Variants in CFAP221 observed in about 807,000 individuals in gnomAD.
CFAP221 encodes cilia and flagella associated protein 221, also known as cilia- and flagella-associated protein 221.
CFAP221 carries 97 observed loss-of-function variants against 113.1 expected under a neutral mutation model. That is an observed-to-expected ratio of 0.86 (90% CI 0.73 to 1.02). The LOEUF is 1.02. Ranked by LOEUF, CFAP221 falls within the 50% of genes least tolerant of loss-of-function variation. CFAP221 has a pLI of 0.00. For missense variants in CFAP221, 1,025 were observed against 1,013.4 expected (o/e 1.01, Z -0.16); for synonymous variants, 331 against 354.4 (o/e 0.93, Z 0.74).
At chr2:119,653,265 C>T (rs1035760278) in intron 23 of CFAP221, among the ~76,000 whole-genome samples, 1 of 151,904 alleles carries the variant, frequency 6.6e-6, no homozygotes, top group African/African-American at 2.4e-5. Flanking sequence ...CCTATAATCC[C>T]AGGTGTTTGG....
chr2:119,547,146 G>T (rs551243982), intron 2 of CFAP221, among the ~76,000 whole-genome samples: 1 of 152,160 alleles, frequency 6.6e-6, no homozygotes, highest in Non-Finnish European at 1.5e-5. Flanking sequence ...TGCTTCTTTT[G>T]TCACTGTAGA....
At chr2:119,582,857 A>T (rs1030302336) in intron 6 of CFAP221, among the ~76,000 whole-genome samples, 2 of 151,702 alleles carry the variant, frequency 1.3e-5, no homozygotes, top group African/African-American at 4.9e-5. Flanking sequence ...AGAAATATAA[A>T]AGCAATCAGT....
chr2:119,650,128 A>G (rs1558673269), intron 22 of CFAP221, among the ~76,000 whole-genome samples: 1 of 152,232 alleles, frequency 6.6e-6, no homozygotes, highest in Non-Finnish European at 1.5e-5. Context: ...TATATACTCA[A>G]AAATAAGTAT....
At chr2:119,592,465 G>A (rs913963959) in intron 7 of CFAP221, among the ~76,000 whole-genome samples, 12 of 152,128 alleles carry the variant, frequency 7.9e-5, no homozygotes, top group African/African-American at 2.4e-4. Flanking sequence ...TAGAACTCCC[G>A]GCTTTGTCGT....
At chr2:119,564,911 A>C (rs113976163) in intron 6 of CFAP221, among the ~76,000 whole-genome samples, 23 of 152,278 alleles carry the variant, frequency 1.5e-4, no homozygotes, top group African/African-American at 5.5e-4. Context: ...ATATACCTAA[A>C]TGGGGAATTG....
intron 22 of CFAP221, 76 bp from the exon 23 acceptor site, chr2:119,651,898 T>C: frequency 1.7e-6 from 2 of 1,170,398 alleles, no homozygotes; most frequent in Non-Finnish European, 2.4e-6. Flanking sequence ...AACTCCTAAA[T>C]GATCACAATA....
rs755888501 is a variant in CFAP221, at chr2:119,604,758, G to C, written c.878G>C (p.Arg293Pro). ...GCAATGATGCATATAAATTTTCACC[G>C]ACCGCCAGCGAAGCCGAAGCCTCAG... is the stretch of plus-strand genomic sequence containing the variant. ...EKAMMHINFH[R>P]PPAKPKPQKV... is the part of the protein sequence containing the mutation. The change falls in exon 9 of 24, where the codon CGA becomes CCA. Residue 293 changes from arginine (R) to proline (P), a missense_variant. Arg to Pro is a moderately radical substitution (Grantham distance 103). Transcript: ENST00000413369. The C allele has an allele frequency of 6.5e-7, 1 of 1,542,460 alleles. No individual in the cohort carries two copies. Among genetic ancestry groups the C allele is most frequent in the Non-Finnish European group, 8.7e-7 (1 of 1,148,658 alleles).
At chr2:119,641,746 C>T (rs934107812) in intron 21 of CFAP221, among the ~76,000 whole-genome samples, 4 of 152,222 alleles carry the variant, frequency 2.6e-5, no homozygotes, top group African/African-American at 7.2e-5. Flanking sequence ...GTCACTCCAT[C>T]GCCACCAGAT....
intron 7 of CFAP221, among the ~76,000 whole-genome samples, chr2:119,595,325 A>G (rs545343622): frequency 6.6e-6 from 1 of 152,288 alleles, no homozygotes; most frequent in Admixed American, 6.5e-5. Context: ...GGTTCTCGGC[A>G]TGCTCCCATG....
chr2:119,627,004 G>A (rs1277233501), intron 15 of CFAP221, among the ~76,000 whole-genome samples: 4 of 150,928 alleles, frequency 2.7e-5, no homozygotes, highest in Non-Finnish European at 4.4e-5. Context: ...GCCCACTCTC[G>A]GTAGCTTCTG....
intron 3 of CFAP221, among the ~76,000 whole-genome samples, chr2:119,554,829 T>C (rs1459671830): frequency 6.6e-6 from 1 of 152,210 alleles, no homozygotes; most frequent in East Asian, 1.9e-4. Flanking sequence ...TTAAAGAACT[T>C]ATAAGGCTGC....
At chr2:119,656,179 T>C in intron 23 of CFAP221, 183 bp from the exon 24 acceptor site, 1 of 559,822 alleles carries the variant, frequency 1.8e-6, no homozygotes, top group Non-Finnish European at 3.2e-6. Context: ...GAAGCCAGGT[T>C]TGAATCATTC....
rs186251047 is a variant in CFAP221 at position 119,558,852 on chromosome 2, A to G, written c.241-837A>G. Among the ~76,000 whole-genome samples, 827 of 152,212 alleles carry G rather than the reference A, an allele frequency of 5.4e-3. 4 individuals carry two copies. Among genetic ancestry groups the G allele is most frequent in the Middle Eastern group, 0.01 (3 of 294 alleles). Reference sequence around the variant, plus strand: ...TAAAAAACAAAAAACCAACAACAACAACAAAAAAACACAGGCAAACACAGT... The same window carrying G: ...TAAAAAACAAAAAACCAACAACAACGACAAAAAAACACAGGCAAACACAGT... On this transcript the variant is annotated intron_variant, in intron 3 of 23. Coordinates refer to ENST00000413369, the MANE Select transcript of CFAP221 (RefSeq NM_001271049.2).
At chr2:119,609,446 G>T (rs1684996887) in intron 12 of CFAP221, among the ~76,000 whole-genome samples, 1 of 152,172 alleles carries the variant, frequency 6.6e-6, no homozygotes, top group East Asian at 1.9e-4. Context: ...CAGCATGGTT[G>T]ATTCCTTCTG....
intron 11 of CFAP221, among the ~76,000 whole-genome samples, chr2:119,607,892 G>C (rs1421384856): frequency 6.6e-6 from 1 of 152,110 alleles, no homozygotes; most frequent in Non-Finnish European, 1.5e-5. Context: ...GCAACATTTT[G>C]CTTGTTCATT....
chr2:119,627,549 ACC>A, intron 15 of CFAP221, 102 bp from the exon 16 acceptor site: 3 of 979,990 alleles, frequency 3.1e-6, no homozygotes, highest in East Asian at 2.6e-5. Flanking sequence ...ATATATACAC[ACC>A]CACCCACTAA....
rs189634837 is a variant in CFAP221 at position 119,577,924 on chromosome 2, G to A, written c.528-9195G>A. 6.0e-4 allele frequency among the ~76,000 whole-genome samples: 91 copies of A among 152,298 alleles called. 1 individual carries two copies. Among genetic ancestry groups the A allele is most frequent in the Admixed American group, 5.8e-3 (89 of 15,312 alleles). ...AACAACAGTAATTTATTTTGCTCAT[G>A]GATCTACAACTTGGGCATGGCCTGA... On this transcript the variant is annotated intron_variant, in intron 6 of 23. Coordinates refer to ENST00000413369, the MANE Select transcript of CFAP221 (RefSeq NM_001271049.2).
intron 14 of CFAP221, among the ~76,000 whole-genome samples, chr2:119,616,216 TGG>T (rs1685517060): frequency 6.6e-6 from 1 of 152,274 alleles, no homozygotes; most frequent in East Asian, 1.9e-4. Context: ...ACATGGCTTT[TGG>T]TAACTGCTTC....
At chr2:119,574,429 A>G (rs1682289730) in intron 6 of CFAP221, among the ~76,000 whole-genome samples, 1 of 152,254 alleles carries the variant, frequency 6.6e-6, no homozygotes, top group Non-Finnish European at 1.5e-5. Context: ...AAAAGTGTTC[A>G]TGGATGAATT....
Sources: gnomAD v4.1 joint callset for allele counts (sites outside exome capture counted in the v4.1 genomes callset) on GRCh38, gnomAD v4.1.1 for gene constraint, MANE v1.5 for transcripts, NCBI Gene and HGNC (gene_info 2026-07-23, HGNC 2026-07-21) for gene names.